The following RBM38 variants were observed in gnomAD, a reference collection of about 807,000 sequenced individuals.
The protein encoded by RBM38 is RNA-binding protein 38.
Under a neutral mutation model 23.5 loss-of-function variants are expected in RBM38, and 11 were observed. The ratio of observed to expected loss-of-function variants is 0.47; its 90% confidence interval spans 0.29 to 0.77. The LOEUF (loss-of-function observed/expected upper bound fraction) is 0.77, where lower values mean the gene tolerates loss of function less well. Ranked by LOEUF, RBM38 falls within the 30% of genes least tolerant of loss-of-function variation. RBM38 has a pLI of 0.08. For synonymous variants in RBM38, 165 were observed against 166.1 expected, an observed-to-expected ratio of 0.99 and a Z score of 0.05; for missense variants, 330 against 351.9, an observed-to-expected ratio of 0.94 and a Z score of 0.50.
chr20:57,394,812 AC>A (rs1489603235), intron 3 of RBM38, among the ~76,000 whole-genome samples: 1 of 151,896 alleles, frequency 6.6e-6, no homozygotes, highest in Admixed American at 6.5e-5. Flanking sequence ...GGGGGCATGG[AC>A]TGGGCGGGAG....
In RBM38 at chr20:57,393,307, C is replaced by T. The variant is rs773141867; in HGVS notation, c.390C>T (p.His130=). ...TTGCCATTGGGGTGCAGCAGCTGCACCCCACCTTGATCCAGCGGACTTACG... is the reference window on the plus strand; with the variant it reads ...TTGCCATTGGGGTGCAGCAGCTGCATCCCACCTTGATCCAGCGGACTTACG... ...TGFAIGVQQL[H]PTLIQRTYGL... is the part of the protein sequence containing the mutation. Residue 130 remains histidine, a synonymous_variant, in exon 3 of 4, where the codon CAC becomes CAT. Coordinates refer to ENST00000356208, the MANE Select transcript of RBM38 (RefSeq NM_017495.6). 22 of 1,613,840 alleles carry T rather than the reference C, an allele frequency of 1.4e-5. No homozygotes were observed. The highest frequency in any genetic ancestry group is 1.9e-5 in the Non-Finnish European group (22 of 1,179,850).
chr20:57,392,328 T>C, intron 1 of RBM38: 4 of 1,077,278 alleles, frequency 3.7e-6, no homozygotes, highest in Non-Finnish European at 5.3e-6. Context: ...GTCTCGGCCC[T>C]CACTGGTGGG....
chr20:57,394,876 C>T (rs1010439066), intron 3 of RBM38, among the ~76,000 whole-genome samples: 1 of 152,158 alleles, frequency 6.6e-6, no homozygotes, highest in Non-Finnish European at 1.5e-5. Flanking sequence ...CTCTTTTCTG[C>T]TTACAGTGGG....
rs753286842 is a variant in RBM38, at chr20:57,393,323, C to A, written c.406C>A (p.Arg136=). 176 of 1,613,718 alleles carry A rather than the reference C, an allele frequency of 1.1e-4. No homozygotes were observed. Among genetic ancestry groups the A allele is most frequent in the Non-Finnish European group, 1.4e-4 (168 of 1,179,820 alleles). Reference sequence around the variant, plus strand: ...GCAGCTGCACCCCACCTTGATCCAGCGGACTTACGGGTGAGTGGACATGGC... The same window carrying A: ...GCAGCTGCACCCCACCTTGATCCAGAGGACTTACGGGTGAGTGGACATGGC... The part of the protein sequence containing the change: ...VQQLHPTLIQ[R]TYGLTPHYIY... The change falls in exon 3 of 4, where the codon CGG becomes AGG. Residue 136 remains arginine, a synonymous_variant. Coordinates refer to ENST00000356208, the MANE Select transcript of RBM38 (RefSeq NM_017495.6).
At chr20:57,399,114 C>T (rs918192522) in intron 3 of RBM38, among the ~76,000 whole-genome samples, 5 of 152,158 alleles carry the variant, frequency 3.3e-5, no homozygotes, top group Non-Finnish European at 1.5e-5. Context: ...CAGCATGCCT[C>T]AGAAGGCGAC....
At chr20:57,395,628 C>T (rs1184331007) in intron 3 of RBM38, among the ~76,000 whole-genome samples, 4 of 151,480 alleles carry the variant, frequency 2.6e-5, no homozygotes, top group African/African-American at 7.4e-5. Flanking sequence ...CTCTGAGAAT[C>T]GCGCCGCCTC....
At chr20:57,404,408 G>A (rs1205172924) in intron 3 of RBM38, among the ~76,000 whole-genome samples, 2 of 152,240 alleles carry the variant, frequency 1.3e-5, no homozygotes, top group East Asian at 3.8e-4. Context: ...GAAGGTGTGT[G>A]GGTTCAAAGC....
intron 3 of RBM38, among the ~76,000 whole-genome samples, chr20:57,406,852 A>G (rs920450069): frequency 6.6e-6 from 1 of 152,006 alleles, no homozygotes; most frequent in Non-Finnish European, 1.5e-5. Context: ...AAATTAGCCG[A>G]GCGTGGTGGC....
At chr20:57,392,518 A>C in intron 1 of RBM38, 136 bp from the exon 2 acceptor site, 1 of 1,525,792 alleles carries the variant, frequency 6.6e-7, no homozygotes, top group Non-Finnish European at 8.8e-7. Context: ...GCTTTGGCTC[A>C]AGGACCCTGG....
Position 57,407,654 on chromosome 20 carries a change from C to T in RBM38, c.528C>T (p.Ser176=). ...CCTACATTGAGTACACGCCGGCCAG[C>T]CCGGCCTACGCCCAGTACCCACCGG... ...SSPYIEYTPA[S]PAYAQYPPAT... The change falls in exon 4 of 4, where the codon AGC becomes AGT. Residue 176 remains serine (S), a synonymous_variant. Transcript: ENST00000356208. The surrounding 1 kb of genome is among the most constrained non-coding windows in gnomAD (Gnocchi z 4.0). 1 of 1,613,178 alleles carries T rather than the reference C, an allele frequency of 6.2e-7. No homozygotes were observed. Among genetic ancestry groups the T allele is most frequent in the South Asian group, 1.1e-5 (1 of 91,088 alleles).
At chr20:57,397,082 C>T (rs1054787553) in intron 3 of RBM38, among the ~76,000 whole-genome samples, 1 of 152,148 alleles carries the variant, frequency 6.6e-6, no homozygotes, top group Non-Finnish European at 1.5e-5. Flanking sequence ...TGGGGGTCTG[C>T]CTGGGCTTAA....
Position 57,408,140 on chromosome 20 carries a change from C to T in RBM38, c.*294C>T. 1 of 487,152 alleles carries T rather than the reference C, an allele frequency of 2.1e-6. No homozygotes were observed. Among genetic ancestry groups the T allele is most frequent in the South Asian group, 2.1e-5 (1 of 46,958 alleles). 30.2% of individuals were successfully genotyped at this position (487,152 alleles called of 1,614,324 possible). ...ATGGCAGCCTCTCCTTGCACCTTCT[C>T]CTGCCTCTCCACACTCCAGGTTCCC... On this transcript the variant is annotated 3_prime_UTR_variant, in exon 4 of 4. Coordinates refer to ENST00000356208, the MANE Select transcript of RBM38 (RefSeq NM_017495.6).
chr20:57,401,381 C>G (rs2067326621), intron 3 of RBM38, among the ~76,000 whole-genome samples: 1 of 152,192 alleles, frequency 6.6e-6, no homozygotes, highest in Non-Finnish European at 1.5e-5. Context: ...TGGAGCCGTG[C>G]CTGCCTGTCC....
chr20:57,407,874 C>T lies in RBM38; in HGVS notation c.*28C>T. ...GGCGTTCCTGCCCCGAGGACTGTGGCATTGTCACCTTCACAGCAGACAGAG... is the reference window on the plus strand; with the variant it reads ...GGCGTTCCTGCCCCGAGGACTGTGGTATTGTCACCTTCACAGCAGACAGAG... On this transcript the variant is annotated 3_prime_UTR_variant, in exon 4 of 4. Transcript: ENST00000356208. The surrounding 1 kb of genome is among the most constrained non-coding windows in gnomAD (Gnocchi z 4.0). 1 of 1,526,598 alleles carries T rather than the reference C, an allele frequency of 6.6e-7. No homozygotes were observed. The highest frequency in any genetic ancestry group is 8.8e-7 in the Non-Finnish European group (1 of 1,139,266). 94.6% of individuals were successfully genotyped at this position (1,526,598 alleles called of 1,614,324 possible).
At chr20:57,396,255 C>T (rs574873824) in intron 3 of RBM38, among the ~76,000 whole-genome samples, 5 of 152,262 alleles carry the variant, frequency 3.3e-5, no homozygotes, top group African/African-American at 9.6e-5. Flanking sequence ...GGCCACTGTC[C>T]GCGGTTTGGA....
chr20:57,407,692 A>G lies in RBM38; in HGVS notation c.566A>G (p.Gln189Arg), dbSNP rs1039832540. The G allele has an allele frequency of 1.9e-6, 3 of 1,612,918 alleles. No individual in the cohort carries two copies. Among genetic ancestry groups the G allele is most frequent in the Non-Finnish European group, 2.5e-6 (3 of 1,179,788 alleles). ...YAQYPPATYDQYPYAASPATA... is the reference protein window; with the variant it reads ...YAQYPPATYDRYPYAASPATA... ...CAGTACCCACCGGCCACCTATGACC[A>G]GTACCCATACGCCGCCTCGCCTGCC... The change falls in exon 4 of 4, where the codon CAG (glutamine) becomes CGG (arginine). Residue 189 changes from glutamine to arginine, a missense_variant. Gln to Arg is a conservative substitution (Grantham distance 43). Coordinates refer to ENST00000356208, the MANE Select transcript of RBM38 (RefSeq NM_017495.6). The surrounding 1 kb of genome is among the most constrained non-coding windows in gnomAD (Gnocchi z 4.0).
In RBM38 at chr20:57,404,358, G is replaced by C. The variant is rs140221226; in HGVS notation, c.417-3185G>C. Among the ~76,000 whole-genome samples the C allele has an allele frequency of 4.1e-4, 62 of 152,380 alleles. 1 individual carries two copies. In the East Asian group the frequency reaches 0.011, roughly 27 times the overall value. The stretch of plus-strand genomic sequence containing the variant: ...CCACATTTTTAGCAAAACCTTGCGG[G>C]GAGATGTCTGAGGCAGGGGCATCAC... On this transcript the variant is annotated intron_variant, in intron 3 of 3. Transcript: ENST00000356208.
intron 3 of RBM38, among the ~76,000 whole-genome samples, chr20:57,393,815 G>A (rs1294001595): frequency 2.0e-5 from 3 of 152,164 alleles, no homozygotes; most frequent in Admixed American, 1.3e-4. Context: ...TGTGAACGTT[G>A]CTGTAGATAC....
At chr20:57,391,939 C>T in intron 1 of RBM38, 121 bp downstream of exon 1, 1 of 645,400 alleles carries the variant, frequency 1.5e-6, no homozygotes, top group Non-Finnish European at 2.1e-6. Flanking sequence ...CAGGCGCCTC[C>T]AGCCGGCGCC....
Sources: gnomAD v4.1 joint callset for allele counts (sites outside exome capture counted in the v4.1 genomes callset) on GRCh38, gnomAD v4.1.1 for gene constraint, Gnocchi (gnomAD v3.1) non-coding constraint, MANE v1.5 for transcripts, NCBI Gene and HGNC (gene_info 2026-07-23, HGNC 2026-07-21) for gene names.